The following PSMD8 variants were observed in gnomAD, a reference collection of about 807,000 sequenced individuals.
PSMD8 encodes the protein proteasome 26S subunit, non-ATPase 8.
Under a neutral mutation model 40.0 loss-of-function variants are expected in PSMD8, and 30 were observed. The observed-to-expected ratio is 0.75, with a 90% CI of 0.56 to 1.02. The LOEUF is 1.02. PSMD8 is among the 50% of genes least tolerant of loss of function. PSMD8 has a pLI of 0.00. For synonymous variants in PSMD8, 208 were observed against 192.5 expected, an observed-to-expected ratio of 1.08 and a Z score of -0.67; for missense variants, 461 against 463.9, an observed-to-expected ratio of 0.99 and a Z score of 0.06.
rs1401358563 is a variant in PSMD8, at chr19:38,383,788, T to C, written c.*398T>C. The C allele has an allele frequency of 4.9e-6, 1 of 203,044 alleles. No homozygotes were observed. Among genetic ancestry groups the C allele is most frequent in the African/African-American group, 2.3e-5 (1 of 43,808 alleles). 12.6% of individuals were successfully genotyped at this position (203,044 alleles called of 1,614,324 possible). On this transcript the variant is annotated 3_prime_UTR_variant, in exon 7 of 7. Transcript: ENST00000215071. ...GGGTGAAGTGTCCTACTAAAAAGAA[T>C]AAATGTTGGCAGTGAATTAAACAAT...
Position 38,383,454 on chromosome 19 carries a change from G to T in PSMD8, c.*64G>T. 6.3e-7 allele frequency: 1 copy of T among 1,596,266 alleles called. No homozygotes were observed. On this transcript the variant is annotated 3_prime_UTR_variant, in exon 7 of 7. Transcript: ENST00000215071. Reference sequence around the variant, plus strand: ...TAAAACAGTTACACTGCAGGGTTTCGCCCAATAAAGGTGGACTGACATTCC... The same window carrying T: ...TAAAACAGTTACACTGCAGGGTTTCTCCCAATAAAGGTGGACTGACATTCC...
chr19:38,376,485 G>A (rs1205936144), intron 3 of PSMD8, 31 bp downstream of exon 3: 1 of 1,510,718 alleles, frequency 6.6e-7, no homozygotes, highest in South Asian at 1.2e-5. Flanking sequence ...CAACTGGGGG[G>A]GTGGTTGCAT....
At position 38,383,522 on chromosome 19, in the gene PSMD8, C is replaced by CAAGTTCTTAT; in HGVS notation, c.*134_*143dup. 3 of 1,255,426 alleles carry CAAGTTCTTAT rather than the reference C, an allele frequency of 2.4e-6. No homozygotes were observed. The highest frequency in any genetic ancestry group is 2.2e-6 in the Non-Finnish European group (2 of 901,802). 77.8% of individuals were successfully genotyped at this position (1,255,426 alleles called of 1,614,324 possible). On this transcript the variant is annotated 3_prime_UTR_variant, in exon 7 of 7. Coordinates refer to ENST00000215071, the MANE Select transcript of PSMD8 (RefSeq NM_002812.5). ...CTCCCCAGTTGGGACGGCAGAGAGA[C>CAAGTTCTTAT]AAGTTCTTATATCTGAAGAACTTGG...
chr19:38,382,066 C>A, intron 5 of PSMD8, 51 bp from the exon 6 acceptor site: 1 of 1,363,858 alleles, frequency 7.3e-7, no homozygotes, highest in Non-Finnish European at 1.0e-6. Flanking sequence ...GGGGACAGGT[C>A]CTGGGAGGTT....
At chr19:38,379,099 G>A (rs1432911278) in intron 3 of PSMD8, 141 bp from the exon 4 acceptor site, 2 of 801,926 alleles carry the variant, frequency 2.5e-6, no homozygotes, top group Admixed American at 2.9e-5. Flanking sequence ...TTGGGACACA[G>A]TTTCCTCATA....
At position 38,374,678 on chromosome 19, in the gene PSMD8, T is replaced by A. The variant is rs1305548331; in HGVS notation, c.77T>A (p.Val26Asp). The change falls in exon 1 of 7, where the codon GTT becomes GAT. Residue 26 changes from valine to aspartate, a missense_variant. Physicochemically the swap from Val to Asp is radical, Grantham distance 152. Transcript: ENST00000215071. ...RRATRGGLRQ[V>D]VAPPRALGST... ...GCTACCCGGGGCGGGCTGAGGCAGGTTGTAGCCCCGCCCCGGGCCTTGGGC... is the reference window on the plus strand; with the variant it reads ...GCTACCCGGGGCGGGCTGAGGCAGGATGTAGCCCCGCCCCGGGCCTTGGGC... 6.5e-7 allele frequency: 1 copy of A among 1,542,044 alleles called. No homozygotes were observed. Among genetic ancestry groups the A allele is most frequent in the South Asian group, 1.2e-5 (1 of 84,166 alleles).
At chr19:38,375,124 G>A in intron 1 of PSMD8, 163 bp downstream of exon 1, 1 of 1,224,030 alleles carries the variant, frequency 8.2e-7, no homozygotes, top group East Asian at 2.6e-5. Context: ...CAGCCAAAGT[G>A]GGGGCTCGGA....
chr19:38,382,976 G>A (rs1970655286), intron 6 of PSMD8: 2 of 404,346 alleles, frequency 4.9e-6, no homozygotes, highest in East Asian at 7.8e-5. Flanking sequence ...GCTGGTAACT[G>A]ATCTGTCACT....
At chr19:38,379,435 G>C (rs1970622489) in intron 4 of PSMD8, 30 bp downstream of exon 4, 2 of 1,611,186 alleles carry the variant, frequency 1.2e-6, no homozygotes, top group Non-Finnish European at 1.7e-6. Flanking sequence ...GGGAGGACCT[G>C]GCCAAAGTGG....
In PSMD8 at chr19:38,383,293, C is replaced by G; in HGVS notation, c.956C>G (p.Ala319Gly). Residue 319 changes from alanine (A) to glycine (G), a missense_variant, in exon 7 of 7, where the codon GCC becomes GGC. Ala to Gly is a moderately conservative substitution (Grantham distance 60). Transcript: ENST00000215071. The part of the protein sequence containing the change: ...VLGPNNYYSF[A>G]SQQQKPEDTT... ...GGCCCCAACAACTACTACAGTTTTG[C>G]CAGCCAGCAGCAGAAGCCGGAAGAC... 3 of 1,613,440 alleles carry G rather than the reference C, an allele frequency of 1.9e-6. No homozygotes were observed. Among genetic ancestry groups the G allele is most frequent in the Non-Finnish European group, 2.5e-6 (3 of 1,179,874 alleles).
rs753614181 is a variant in PSMD8, at chr19:38,374,778, C to A, written c.177C>A (p.Ala59=). 1.5e-5 allele frequency: 23 copies of A among 1,570,256 alleles called. No homozygotes were observed. Among genetic ancestry groups the A allele is most frequent in the Non-Finnish European group, 1.9e-5 (22 of 1,163,334 alleles). ...GCCGTAAATCAGGCGGTCTGCTTGC[C>A]GCATCACGCAAGATGGCGGCCGCGG... The part of the protein sequence containing the change: ...RRCRKSGGLL[A]ASRKMAAAAV... Residue 59 remains alanine (A), a synonymous_variant, in exon 1 of 7, where the codon GCC becomes GCA. Transcript: ENST00000215071.
In PSMD8 at chr19:38,380,898, G is replaced by T; in HGVS notation, c.703-1G>T. The T allele has an allele frequency of 1.9e-6, 3 of 1,568,702 alleles. No individual in the cohort carries two copies. The highest frequency in any genetic ancestry group is 2.6e-6 in the Non-Finnish European group (3 of 1,155,656). On this transcript the variant is annotated splice_acceptor_variant, in intron 4 of 6. Coordinates refer to ENST00000215071, the MANE Select transcript of PSMD8 (RefSeq NM_002812.5). LOFTEE classifies it high-confidence loss of function. Reference sequence around the variant, plus strand: ...TTCTTCCCCCTTCCCGGCTTCTGCAGTACCTGATGGAGGGCAGCTACAACA... The same window carrying T: ...TTCTTCCCCCTTCCCGGCTTCTGCATTACCTGATGGAGGGCAGCTACAACA...
chr19:38,381,533 G>A (rs1383029246), intron 5 of PSMD8, among the ~76,000 whole-genome samples: 4 of 152,202 alleles, frequency 2.6e-5, no homozygotes. Flanking sequence ...AAATCAGAAT[G>A]AGTTTCCATG....
chr19:38,374,875 A>G lies in PSMD8; in HGVS notation c.274A>G (p.Thr92Ala), dbSNP rs1259073199. The change falls in exon 1 of 7, where the codon ACC becomes GCC. Residue 92 changes from threonine to alanine, a missense_variant. Thr to Ala is a moderately conservative substitution (Grantham distance 58). Transcript: ENST00000215071. The part of the protein sequence containing the change: ...ATSGAVLQAA[T>A]GMYEQLKGEW... Reference sequence around the variant, plus strand: ...CTCGGGCGCTGTTCTGCAGGCCGCGACCGGCATGTACGAGCAACTCAAGGG... The same window carrying G: ...CTCGGGCGCTGTTCTGCAGGCCGCGGCCGGCATGTACGAGCAACTCAAGGG... The G allele has an allele frequency of 6.3e-7, 1 of 1,586,470 alleles. No individual in the cohort carries two copies. The highest frequency in any genetic ancestry group is 1.7e-5 in the Admixed American group (1 of 58,356).
At chr19:38,381,332 C>T (rs938997828) in intron 5 of PSMD8, 9 of 205,952 alleles carry the variant, frequency 4.4e-5, no homozygotes, top group Admixed American at 5.5e-5. Context: ...GAGACTTCAC[C>T]TCCGGCCACC....
intron 3 of PSMD8, among the ~76,000 whole-genome samples, chr19:38,377,637 C>G (rs1343089137): frequency 6.6e-6 from 1 of 152,034 alleles, no homozygotes; most frequent in Non-Finnish European, 1.5e-5. Context: ...GCTGGGATTA[C>G]AGGCATGCGC....
Position 38,383,511 on chromosome 19 carries a change from C to T in PSMD8, c.*121C>T, listed in dbSNP as rs1970661762. 23 of 1,343,246 alleles carry T rather than the reference C, an allele frequency of 1.7e-5. No individual in the cohort carries two copies. Among genetic ancestry groups the T allele is most frequent in the African/African-American group, 2.9e-5 (2 of 68,410 alleles). 83.2% of individuals were successfully genotyped at this position (1,343,246 alleles called of 1,614,324 possible). On this transcript the variant is annotated 3_prime_UTR_variant, in exon 7 of 7. Transcript: ENST00000215071. ...CAGGCCCTTGTCTCCCCAGTTGGGACGGCAGAGAGACAAGTTCTTATATCT... is the reference window on the plus strand; with the variant it reads ...CAGGCCCTTGTCTCCCCAGTTGGGATGGCAGAGAGACAAGTTCTTATATCT...
chr19:38,381,695 C>A (rs2074981), intron 5 of PSMD8, among the ~76,000 whole-genome samples: 18,157 of 152,242 alleles, frequency 0.12, 1,360 homozygotes, highest in East Asian at 0.25. Context: ...ACAGTGACTT[C>A]ATGCCTTGCT....
intron 3 of PSMD8, 89 bp from the exon 4 acceptor site, chr19:38,379,151 G>T (rs2145127848): frequency 7.5e-7 from 1 of 1,326,834 alleles, no homozygotes; most frequent in East Asian, 2.5e-5. Flanking sequence ...AGATGCATGG[G>T]GCGTTGTGAG....
Sources: gnomAD v4.1 joint callset for allele counts (sites outside exome capture counted in the v4.1 genomes callset) on GRCh38, gnomAD v4.1.1 for gene constraint, MANE v1.5 for transcripts, NCBI Gene and HGNC (gene_info 2026-07-23, HGNC 2026-07-21) for gene names.